The following PARD3B variants were observed in gnomAD, a reference collection of about 807,000 sequenced individuals.
PARD3B encodes the protein par-3 family cell polarity regulator beta.
A neutral mutation model predicts 130.2 loss-of-function variants in PARD3B; 103 were observed. The observed-to-expected ratio is 0.79, with a 90% CI of 0.67 to 0.93. PARD3B has a LOEUF of 0.93. PARD3B is among the 40% of genes least tolerant of loss of function. The pLI, the probability that PARD3B is intolerant of heterozygous loss-of-function variation, is 0.00. For synonymous variants in PARD3B, 583 were observed against 553.2 expected (o/e 1.05, Z -0.76); for missense variants, 1,609 against 1,499.2 (o/e 1.07, Z -1.21).
intron 2 of PARD3B, among the ~76,000 whole-genome samples, chr2:204,937,962 G>A (rs912600305): frequency 6.6e-5 from 10 of 152,264 alleles, no homozygotes; most frequent in South Asian, 6.2e-4. Context: ...AGTCAAAATC[G>A]TAAAGAGCAG....
At chr2:205,178,072 G>A (rs559694729) in intron 13 of PARD3B, among the ~76,000 whole-genome samples, 18 of 142,926 alleles carry the variant, frequency 1.3e-4, no homozygotes, top group South Asian at 8.9e-4. Flanking sequence ...TTGGGAGGCC[G>A]AGGCAGGCAG....
intron 2 of PARD3B, among the ~76,000 whole-genome samples, chr2:204,926,113 A>G (rs1359541987): frequency 6.6e-6 from 1 of 152,012 alleles, no homozygotes; most frequent in Non-Finnish European, 1.5e-5. Context: ...ACCACTCCAG[A>G]GATATATGCG....
At chr2:205,278,389 G>A (rs762464359) in intron 16 of PARD3B, among the ~76,000 whole-genome samples, 1 of 152,270 alleles carries the variant, frequency 6.6e-6, no homozygotes, top group African/African-American at 2.4e-5. Context: ...AGAACTGGAC[G>A]ACTGATAGGC....
At chr2:205,104,071 A>G (rs1296537944) in intron 4 of PARD3B, among the ~76,000 whole-genome samples, 4 of 152,174 alleles carry the variant, frequency 2.6e-5, no homozygotes, top group Admixed American at 6.5e-5. Flanking sequence ...CCTTAAGGCT[A>G]ATATATCACC....
intron 16 of PARD3B, among the ~76,000 whole-genome samples, chr2:205,284,161 T>C (rs1414078057): frequency 6.6e-6 from 1 of 152,204 alleles, no homozygotes; most frequent in Non-Finnish European, 1.5e-5. Flanking sequence ...AAAAAAATTA[T>C]TTCACCAAGC....
At chr2:205,136,887 TCAG>T (rs1284673622) in intron 10 of PARD3B, among the ~76,000 whole-genome samples, 1 of 152,228 alleles carries the variant, frequency 6.6e-6, no homozygotes, top group Admixed American at 6.5e-5. Flanking sequence ...AATCAATTGT[TCAG>T]CAAGTATTTA....
At position 205,515,902 on chromosome 2, in the gene PARD3B, T is replaced by C. The variant is rs568253107; in HGVS notation, c.3180+15871T>C. Among the ~76,000 whole-genome samples the C allele has an allele frequency of 1.1e-4, 16 of 152,212 alleles. No homozygotes were observed. The South Asian group carries it at 3.1e-3, about 30-fold the overall frequency. ...TATGTCCAGGATGGTATTGCCTGGGTTGTCCTCCAGGGTTTTTGTAGTTTT... is the reference window on the plus strand; with the variant it reads ...TATGTCCAGGATGGTATTGCCTGGGCTGTCCTCCAGGGTTTTTGTAGTTTT... On this transcript the variant is annotated intron_variant, in intron 21 of 22. Coordinates refer to ENST00000406610, the MANE Select transcript of PARD3B (RefSeq NM_001302769.2).
At chr2:205,452,354 G>T (rs1016922132) in intron 20 of PARD3B, among the ~76,000 whole-genome samples, 1 of 152,140 alleles carries the variant, frequency 6.6e-6, no homozygotes, top group African/African-American at 2.4e-5. Context: ...TCATGACTTC[G>T]TGTGGCTGTG....
Position 205,397,146 on chromosome 2 carries a change from A to C in PARD3B, c.2631-3867A>C, listed in dbSNP as rs1217800536. ...TGGGTCTCAATTTCCTCATCTTAAC[A>C]ATGCGGGAGTTTTTGTTTTTGTTTT... On this transcript the variant is annotated intron_variant, in intron 18 of 22. Coordinates refer to ENST00000406610, the MANE Select transcript of PARD3B (RefSeq NM_001302769.2). The surrounding 1 kb of genome is among the most constrained non-coding windows in gnomAD (Gnocchi z 4.8). 6.6e-6 allele frequency among the ~76,000 whole-genome samples: 1 copy of C among 152,202 alleles called. No homozygotes were observed. Among genetic ancestry groups the C allele is most frequent in the Non-Finnish European group, 1.5e-5 (1 of 68,038 alleles).
Position 204,664,090 on chromosome 2 carries a change from T to C in PARD3B, c.121-22091T>C, listed in dbSNP as rs1004006940. Among the ~76,000 whole-genome samples, 5 of 152,200 alleles carry C rather than the reference T, an allele frequency of 3.3e-5. No homozygotes were observed. The highest frequency in any genetic ancestry group is 7.3e-5 in the Non-Finnish European group (5 of 68,030). On this transcript the variant is annotated intron_variant, in intron 1 of 22. Transcript: ENST00000406610. The surrounding 1 kb of genome is among the most constrained non-coding windows in gnomAD (Gnocchi z 5.2). ...TTTTATTTGATTTATGACCTGAGGC[T>C]AATACTGTGGCTTGGATATGTTCTA...
At chr2:205,529,770 T>C (rs1332692440) in intron 21 of PARD3B, among the ~76,000 whole-genome samples, 1 of 152,226 alleles carries the variant, frequency 6.6e-6, no homozygotes, top group Non-Finnish European at 1.5e-5. Flanking sequence ...AATATCTACT[T>C]AAAGAAAAGC....
intron 2 of PARD3B, among the ~76,000 whole-genome samples, chr2:204,861,849 G>C (rs554423276): frequency 1.5e-5 from 2 of 137,258 alleles, no homozygotes; most frequent in East Asian, 4.6e-4. Context: ...AAAATGAAAT[G>C]ATGGCTTCAA....
intron 3 of PARD3B, among the ~76,000 whole-genome samples, chr2:205,024,228 C>T (rs10187900): frequency 3.0e-5 from 4 of 132,468 alleles, no homozygotes; most frequent in South Asian, 5.0e-4. Context: ...AGTGCAGTGG[C>T]GCGTTCTTGG....
At chr2:204,651,013 C>T (rs955828461) in intron 1 of PARD3B, among the ~76,000 whole-genome samples, 1 of 152,162 alleles carries the variant, frequency 6.6e-6, no homozygotes, top group African/African-American at 2.4e-5. Flanking sequence ...AGTCACCTCC[C>T]ACCAGGTCTC....
intron 2 of PARD3B, among the ~76,000 whole-genome samples, chr2:204,755,684 T>C (rs1338873262): frequency 1.3e-5 from 2 of 152,078 alleles, no homozygotes; most frequent in Non-Finnish European, 2.9e-5. Flanking sequence ...ATGCATTCAT[T>C]CATTTATTTG....
At chr2:204,724,748 C>G (rs995503938) in intron 2 of PARD3B, among the ~76,000 whole-genome samples, 19 of 145,614 alleles carry the variant, frequency 1.3e-4, no homozygotes, top group African/African-American at 4.8e-4. Context: ...TCAAGGAGTT[C>G]ATGATCGTAT....
At chr2:205,517,070 T>C (rs1257324634) in intron 21 of PARD3B, among the ~76,000 whole-genome samples, 1 of 152,218 alleles carries the variant, frequency 6.6e-6, no homozygotes, top group East Asian at 1.9e-4. Flanking sequence ...ATCACATTTA[T>C]TGATTTTCAT....
chr2:204,947,302 A>G (rs1052192827), intron 2 of PARD3B, among the ~76,000 whole-genome samples: 1 of 152,178 alleles, frequency 6.6e-6, no homozygotes, highest in Non-Finnish European at 1.5e-5. Context: ...TGAGAATTTC[A>G]GAGTCTAGTC....
intron 15 of PARD3B, among the ~76,000 whole-genome samples, chr2:205,210,010 A>G (rs1386790962): frequency 6.6e-6 from 1 of 152,068 alleles, no homozygotes; most frequent in Non-Finnish European, 1.5e-5. Flanking sequence ...CATCTCATGT[A>G]TCCCATAAAT....
Sources: gnomAD v4.1 joint callset for allele counts (sites outside exome capture counted in the v4.1 genomes callset) on GRCh38, gnomAD v4.1.1 for gene constraint, Gnocchi (gnomAD v3.1) non-coding constraint, MANE v1.5 for transcripts, NCBI Gene and HGNC (gene_info 2026-07-23, HGNC 2026-07-21) for gene names.